Variants in ADGRL2 observed in about 807,000 individuals in gnomAD.
ADGRL2 encodes adhesion G protein-coupled receptor L2, also known as calcium-independent alpha-latrotoxin receptor 2.
In ADGRL2, 44 loss-of-function variants were observed where a neutral mutation model predicts 157.4. The ratio of observed to expected loss-of-function variants is 0.28; its 90% confidence interval spans 0.22 to 0.36. ADGRL2 has a LOEUF of 0.36. Among genes scored for constraint, ADGRL2 ranks in the 10% least tolerant of loss-of-function variants. The probability of loss-of-function intolerance (pLI) is 1.00; values close to 1 mark genes in which losing one functional copy is unlikely to be tolerated. For synonymous variants in ADGRL2, 585 were observed against 624.7 expected (o/e 0.94, Z 0.95); for missense variants, 1,510 against 1,768.9 (o/e 0.85, Z 2.63).
At chr1:81,527,572 C>T (rs1246279464) in intron 2 of ADGRL2, among the ~76,000 whole-genome samples, 1 of 151,976 alleles carries the variant, frequency 6.6e-6, no homozygotes, top group South Asian at 2.1e-4. Flanking sequence ...ATTAGCTGGG[C>T]GTGGTGGCAG....
At chr1:81,918,469 G>GGT (rs1002102645) in intron 3 of ADGRL2, among the ~76,000 whole-genome samples, 1 of 151,928 alleles carries the variant, frequency 6.6e-6, no homozygotes, top group African/African-American at 2.4e-5. Context: ...ACATATTCTT[G>GGT]GTGGAGTATG....
At chr1:81,769,348 T>C (rs1374616506) in intron 2 of ADGRL2, among the ~76,000 whole-genome samples, 1 of 152,152 alleles carries the variant, frequency 6.6e-6, no homozygotes, top group Non-Finnish European at 1.5e-5. Flanking sequence ...TACATTTAAG[T>C]ATTTAACCTA....
intron 3 of ADGRL2, among the ~76,000 whole-genome samples, chr1:81,583,666 T>C (rs1024949539): frequency 6.6e-6 from 1 of 152,248 alleles, no homozygotes; most frequent in African/African-American, 2.4e-5. Flanking sequence ...TTTACATATG[T>C]TGTGTCAGAA....
At chr1:81,389,421 T>C (rs2076495217) in intron 1 of ADGRL2, among the ~76,000 whole-genome samples, 2 of 152,098 alleles carry the variant, frequency 1.3e-5, no homozygotes, top group Non-Finnish European at 2.9e-5. Flanking sequence ...AAGGGATGCA[T>C]AGAAGGGAGA....
At chr1:81,490,997 TG>T (rs545669148) in intron 2 of ADGRL2, among the ~76,000 whole-genome samples, 189 of 152,360 alleles carry the variant, frequency 1.2e-3, no homozygotes, top group Non-Finnish European at 2.0e-3. Context: ...ACCTGTACTT[TG>T]TAAGATATTT....
chr1:81,690,997 A>G (rs645997), intron 3 of ADGRL2, among the ~76,000 whole-genome samples: 51,581 of 152,120 alleles, frequency 0.34, 8,870 homozygotes, highest in Admixed American at 0.41. Flanking sequence ...AGAAGTTCCA[A>G]TCAGCAGCAG....
intron 1 of ADGRL2, among the ~76,000 whole-genome samples, chr1:81,739,006 T>G (rs925995363): frequency 3.9e-5 from 6 of 152,222 alleles, no homozygotes; most frequent in Non-Finnish European, 7.3e-5. Flanking sequence ...CTCCTGATAA[T>G]GCTGGGTGCT....
chr1:81,732,228 C>T (rs964915857), intron 1 of ADGRL2, among the ~76,000 whole-genome samples: 4 of 152,184 alleles, frequency 2.6e-5, no homozygotes, highest in African/African-American at 9.7e-5. Flanking sequence ...AGATCCACCC[C>T]TAGTGCACTA....
chr1:81,589,602 G>T (rs1411855019), intron 3 of ADGRL2, among the ~76,000 whole-genome samples: 1 of 152,152 alleles, frequency 6.6e-6, no homozygotes, highest in Non-Finnish European at 1.5e-5. Flanking sequence ...TCTAATTTGT[G>T]TATGGTCTAG....
intron 3 of ADGRL2, among the ~76,000 whole-genome samples, chr1:81,582,775 A>C (rs1044267969): frequency 5.9e-5 from 9 of 152,180 alleles, no homozygotes; most frequent in Non-Finnish European, 1.2e-4. Flanking sequence ...ACCCCACCAC[A>C]CATCAAAAAA....
chr1:81,730,963 C>A (rs1255523581), intron 1 of ADGRL2, among the ~76,000 whole-genome samples: 1 of 152,156 alleles, frequency 6.6e-6, no homozygotes, highest in Non-Finnish European at 1.5e-5. Flanking sequence ...CAATTACCCT[C>A]CCATGATTCA....
intron 3 of ADGRL2, among the ~76,000 whole-genome samples, chr1:81,636,418 A>T (rs1443037509): frequency 1.3e-5 from 2 of 152,118 alleles, no homozygotes; most frequent in Admixed American, 1.3e-4. Flanking sequence ...GGCTTTTATG[A>T]TAAAATAAGT....
intron 2 of ADGRL2, among the ~76,000 whole-genome samples, chr1:81,547,771 C>T (rs1169439882): frequency 6.6e-6 from 1 of 152,166 alleles, no homozygotes; most frequent in African/African-American, 2.4e-5. Context: ...GCTTCTCCCT[C>T]CCAGGGGCTA....
At chr1:81,491,444 A>AAC (rs2078631621) in intron 2 of ADGRL2, among the ~76,000 whole-genome samples, 1 of 151,680 alleles carries the variant, frequency 6.6e-6, no homozygotes, top group African/African-American at 2.4e-5. Flanking sequence ...CTCTGCTTCA[A>AAC]AAAAAAAGAC....
chr1:81,862,043 T>A (rs1571749463), intron 2 of ADGRL2, among the ~76,000 whole-genome samples: 1 of 152,160 alleles, frequency 6.6e-6, no homozygotes, highest in African/African-American at 2.4e-5. Flanking sequence ...TACTTTATAA[T>A]AAAAGAAATA....
chr1:81,632,593 C>T (rs575006198), intron 3 of ADGRL2, among the ~76,000 whole-genome samples: 5 of 152,166 alleles, frequency 3.3e-5, no homozygotes, highest in African/African-American at 1.2e-4. Context: ...CCCGTCTCTA[C>T]TGAAAACTAC....
chr1:81,524,783 C>G (rs567672216), intron 2 of ADGRL2, among the ~76,000 whole-genome samples: 1 of 152,028 alleles, frequency 6.6e-6, no homozygotes, highest in African/African-American at 2.4e-5. Context: ...GTAATCCTAG[C>G]TACTGGAGAG....
intron 2 of ADGRL2, among the ~76,000 whole-genome samples, chr1:81,458,444 C>T (rs1175948850): frequency 6.6e-6 from 1 of 152,182 alleles, no homozygotes; most frequent in Non-Finnish European, 1.5e-5. Flanking sequence ...TCTGCTGCAG[C>T]CAGAGGAAGG....
chr1:81,721,680 C>T (rs2084326707), intron 1 of ADGRL2: 6 of 1,211,882 alleles, frequency 5.0e-6, no homozygotes, highest in Non-Finnish European at 7.2e-6. Flanking sequence ...GCTTCGCCCA[C>T]TGCTTCCTGA....
Sources: allele counts gnomAD v4.1 joint callset (sites outside exome capture counted in the v4.1 genomes callset), GRCh38; gene constraint gnomAD v4.1.1; transcripts MANE v1.5; gene names NCBI Gene and HGNC (gene_info 2026-07-23, HGNC 2026-07-21).